The following ANO7 variants were observed in gnomAD, a reference collection of about 807,000 sequenced individuals.
ANO7 encodes anoctamin-7.
ANO7 carries 114 observed loss-of-function variants against 115.8 expected under a neutral mutation model. The ratio of observed to expected loss-of-function variants is 0.98; its 90% CI spans 0.85 to 1.15. The LOEUF (loss-of-function observed/expected upper bound fraction) is 1.15. ANO7 is among the 50% of genes most tolerant of loss of function. The pLI, the probability that ANO7 is intolerant of heterozygous loss-of-function variation, is 0.00. For missense variants in ANO7, 1,302 were observed against 1,201.2 expected, an observed-to-expected ratio of 1.08 and a Z score of -1.24; for synonymous variants, 550 against 498.2, an observed-to-expected ratio of 1.10 and a Z score of -1.38.
intron 19 of ANO7, among the ~76,000 whole-genome samples, 186 bp downstream of exon 19, chr2:241,216,424 A>G (rs1331252472): frequency 1.3e-5 from 2 of 152,212 alleles, no homozygotes; most frequent in Non-Finnish European, 2.9e-5. Flanking sequence ...TTTTCCCCTG[A>G]GAGTGCCCAA....
At chr2:241,209,813 C>T (rs2068680041) in intron 13 of ANO7, among the ~76,000 whole-genome samples, 178 bp downstream of exon 13, 1 of 152,128 alleles carries the variant, frequency 6.6e-6, no homozygotes, top group Non-Finnish European at 1.5e-5. Context: ...CGGCTGAGAG[C>T]AGGTGTGAGT....
At position 241,200,154 on chromosome 2, in the gene ANO7, C is replaced by G. The variant is rs193092398; in HGVS notation, c.483C>G (p.Val161=). 2.6e-5 allele frequency: 42 copies of G among 1,613,262 alleles called. No individual in the cohort carries two copies. The highest frequency in any genetic ancestry group is 2.5e-4 in the South Asian group (23 of 91,084). Residue 161 remains valine (V), a synonymous_variant, in exon 6 of 25, where the codon GTC becomes GTG. Transcript: ENST00000674324. ...TGGCATGGCTGGGCATCCCCAACGT[C>G]CTGCTGGAGGTTGTGCCAGACGTAC... is the stretch of plus-strand genomic sequence containing the variant. ...GLLAWLGIPN[V]LLEVVPDVPP...
rs542372495 is a variant in ANO7 at position 241,218,951 on chromosome 2, A to T, written c.2321+570A>T. Among the ~76,000 whole-genome samples the T allele has an allele frequency of 1.2e-3, 184 of 152,322 alleles. 2 individuals carry two copies. The highest frequency in any genetic ancestry group is 4.3e-3 in the African/African-American group (180 of 41,570). ...TTGGTCAGGGGTTAATATTATTGTT[A>T]TTTTAACCGCCAGGGCCAGGTGGTG... is the stretch of plus-strand genomic sequence containing the variant. On this transcript the variant is annotated intron_variant, in intron 21 of 24. Transcript: ENST00000674324.
intron 2 of ANO7, among the ~76,000 whole-genome samples, 181 bp from the exon 3 acceptor site, chr2:241,191,013 G>C (rs968954163): frequency 6.6e-6 from 1 of 152,206 alleles, no homozygotes; most frequent in Non-Finnish European, 1.5e-5. Context: ...CCACACAGCA[G>C]AGGGGCTTCC....
chr2:241,219,273 C>T (rs549970205), intron 21 of ANO7, among the ~76,000 whole-genome samples: 7 of 152,296 alleles, frequency 4.6e-5, no homozygotes, highest in African/African-American at 1.2e-4. Context: ...AGTAAAATTA[C>T]GAAACCATAG....
At chr2:241,190,720 AG>A (rs1263423427) in intron 2 of ANO7, among the ~76,000 whole-genome samples, 3 of 152,174 alleles carry the variant, frequency 2.0e-5, no homozygotes, top group Non-Finnish European at 4.4e-5. Context: ...AGCACAGCTG[AG>A]ATGAGCCTCC....
At chr2:241,193,421 C>T (rs188307444) in intron 3 of ANO7, among the ~76,000 whole-genome samples, 1 of 152,212 alleles carries the variant, frequency 6.6e-6, no homozygotes, top group Non-Finnish European at 1.5e-5. Context: ...AAATCCTCCA[C>T]ACGCCCCCTC....
chr2:241,214,840 G>C lies in ANO7; in HGVS notation c.1764G>C (p.Gln588His). 1.9e-6 allele frequency: 3 copies of C among 1,612,698 alleles called. No homozygotes were observed. The South Asian group carries it at 3.3e-5, about 18-fold the overall frequency. Residue 588 changes from glutamine to histidine, a missense_variant, in exon 18 of 25, where the codon CAG (glutamine) becomes CAC (histidine). Coordinates refer to ENST00000674324, the MANE Select transcript of ANO7 (RefSeq NM_001370694.2). ...AAGGCLIELA[Q>H]ELLVIMVGKQ... ...GAGGCTGCCTGATCGAGCTGGCACA[G>C]GAGCTCCTGGTCATCATGGTGGGCA...
chr2:241,207,633 C>G lies in ANO7; in HGVS notation c.1040C>G (p.Pro347Arg). ...FEMCPLCLDC[P>R]FWLLSSACAL... ...ATGTGCCCACTTTGCCTCGACTGCC[C>G]TTTCTGGCTGCTCTCCAGCGCCTGT... The change falls in exon 11 of 25, where the codon CCT (proline) becomes CGT (arginine). Residue 347 changes from proline to arginine, a missense_variant. Transcript: ENST00000674324. 5.6e-6 allele frequency: 9 copies of G among 1,613,910 alleles called. No individual in the cohort carries two copies. Among genetic ancestry groups the G allele is most frequent in the Non-Finnish European group, 7.6e-6 (9 of 1,179,990 alleles).
At position 241,209,282 on chromosome 2, in the gene ANO7, C is replaced by T; in HGVS notation, c.1078-3C>T. ...GTCTGGACGCCCCCGCTCCCTGCCA[C>T]AGGCCGGCCGGCTGTTCGACCACGG... On this transcript the variant is annotated splice_polypyrimidine_tract_variant and splice_region_variant and intron_variant, in intron 11 of 24. Transcript: ENST00000674324. 1 of 1,550,982 alleles carries T rather than the reference C, an allele frequency of 6.4e-7. No homozygotes were observed. The highest frequency in any genetic ancestry group is 8.7e-7 in the Non-Finnish European group (1 of 1,148,196).
chr2:241,235,419 A>G, the ANO7 span: 1 of 1,457,836 alleles, frequency 6.9e-7, no homozygotes, highest in Non-Finnish European at 9.6e-7. Context: ...AAGTTGAGAA[A>G]GGACACTGGC....
chr2:241,220,265 GTAT>G (rs1421004259), intron 21 of ANO7, among the ~76,000 whole-genome samples: 1 of 152,180 alleles, frequency 6.6e-6, no homozygotes, highest in East Asian at 1.9e-4. Flanking sequence ...TCACGCATAT[GTAT>G]GATAATATTG....
chr2:241,226,925 C>G (rs2069198528), downstream of ANO7, among the ~76,000 whole-genome samples: 2 of 152,194 alleles, frequency 1.3e-5, no homozygotes, highest in African/African-American at 4.8e-5. Context: ...CACCACCCAA[C>G]TCAGCTCGTC....
At position 241,191,229 on chromosome 2, in the gene ANO7, G is replaced by C. The variant is rs202152653; in HGVS notation, c.144G>C (p.Gly48=). The C allele has an allele frequency of 1.6e-5, 26 of 1,613,734 alleles. No homozygotes were observed. Among genetic ancestry groups the C allele is most frequent in the Non-Finnish European group, 2.1e-5 (25 of 1,179,974 alleles). ...AGCAAGCGGCCGCCTGCAGAGCTGG[G>C]AGTCCTGCCAAGCCCCGGATCGGTG... The part of the protein sequence containing the change: ...GGQQAAACRA[G]SPAKPRIADF... The change falls in exon 3 of 25, where the codon GGG becomes GGC. Residue 48 remains glycine, a synonymous_variant. Transcript: ENST00000674324.
At chr2:241,214,102 T>C (rs969304633) in intron 17 of ANO7, among the ~76,000 whole-genome samples, 1 of 152,114 alleles carries the variant, frequency 6.6e-6, no homozygotes, top group Non-Finnish European at 1.5e-5. Context: ...CTGGCCAATA[T>C]GGTGAAATCC....
rs1176424870 is a variant in ANO7, at chr2:241,192,135, G to A, written c.166+884G>A. ...GTGGATCACCTGAGGTCGGGAGTTC[G>A]AGACCAGCCTGATCAACATGGAGAA... On this transcript the variant is annotated intron_variant, in intron 3 of 24. Coordinates refer to ENST00000674324, the MANE Select transcript of ANO7 (RefSeq NM_001370694.2). 3.9e-5 allele frequency among the ~76,000 whole-genome samples: 6 copies of A among 152,202 alleles called. 1 individual carries two copies. The South Asian group carries it at 6.2e-4, about 16-fold the overall frequency.
chr2:241,238,857 C>G, the ANO7 span: 1 of 1,268,828 alleles, frequency 7.9e-7, no homozygotes, highest in South Asian at 1.7e-5. The surrounding 1 kb of genome is among the most constrained non-coding windows in gnomAD (Gnocchi z 4.9). Flanking sequence ...TTTTACAGCA[C>G]TCTTCACACC....
At chr2:241,222,307 C>T (rs1427532704) in intron 21 of ANO7, among the ~76,000 whole-genome samples, 9 of 151,984 alleles carry the variant, frequency 5.9e-5, no homozygotes, top group East Asian at 5.8e-4. Context: ...CCACCGCGCC[C>T]GGCTGAAAGA....
Position 241,199,134 on chromosome 2 carries a change from G to A in ANO7, c.310-182G>A, listed in dbSNP as rs368314301. Reference sequence around the variant, plus strand: ...CTCCCAAACGGGGCTGTCGAGGCCCGGTTGGCTTTCAGAGGCGTATCCATG... The same window carrying A: ...CTCCCAAACGGGGCTGTCGAGGCCCAGTTGGCTTTCAGAGGCGTATCCATG... On this transcript the variant is annotated intron_variant, in intron 4 of 24. Transcript: ENST00000674324. The A allele has an allele frequency of 4.0e-5, 24 of 596,374 alleles. 1 individual carries two copies. The highest frequency in any genetic ancestry group is 1.5e-4 in the African/African-American group (8 of 54,090). The allele number at this position is 596,374 out of a possible 1,614,324, so 36.9% of individuals were successfully genotyped here.
Sources: gnomAD v4.1 joint callset for allele counts (sites outside exome capture counted in the v4.1 genomes callset) on GRCh38, gnomAD v4.1.1 for gene constraint, Gnocchi (gnomAD v3.1) non-coding constraint, MANE v1.5 for transcripts, NCBI Gene and HGNC (gene_info 2026-07-23, HGNC 2026-07-21) for gene names.